The following VPS18 variants were observed in gnomAD, a reference collection of about 807,000 sequenced individuals.
The protein encoded by VPS18 is VPS18 core subunit of CORVET and HOPS complexes, also known as vacuolar protein sorting-associated protein 18 homolog.
Under a neutral mutation model 82.0 loss-of-function variants are expected in VPS18, and 25 were observed. The ratio of observed to expected loss-of-function variants is 0.30; its 90% CI spans 0.22 to 0.43. The LOEUF (loss-of-function observed/expected upper bound fraction) is 0.43. Among genes scored for constraint, VPS18 ranks in the 20% least tolerant of loss-of-function variants. The probability of loss-of-function intolerance (pLI) is 1.00; values close to 1 mark genes in which losing one functional copy is unlikely to be tolerated. For synonymous variants in VPS18, 523 were observed against 543.0 expected, an observed-to-expected ratio of 0.96 and a Z score of 0.51; for missense variants, 1,168 against 1,311.1, an observed-to-expected ratio of 0.89 and a Z score of 1.69.
In VPS18 at chr15:40,900,917, C is replaced by A. The variant is rs144934073; in HGVS notation, c.2099C>A (p.Ala700Glu). ...PHRVHYDLKY[A>E]LRLCAEHGHH... ...CGGGTGCATTACGACCTCAAGTATGCGCTGCGGCTCTGCGCCGAGCATGGC... is the reference window on the plus strand; with the variant it reads ...CGGGTGCATTACGACCTCAAGTATGAGCTGCGGCTCTGCGCCGAGCATGGC... Residue 700 changes from alanine (A) to glutamate (E), a missense_variant, in exon 4 of 5, where the codon GCG becomes GAG. Physicochemically the swap from Ala to Glu is moderately radical, Grantham distance 107. Transcript: ENST00000220509. The surrounding 1 kb of genome is among the most constrained non-coding windows in gnomAD (Gnocchi z 5.4). The A allele has an allele frequency of 6.2e-7, 1 of 1,613,570 alleles. No homozygotes were observed. The highest frequency in any genetic ancestry group is 8.5e-7 in the Non-Finnish European group (1 of 1,180,042).
rs1427803437 is a variant in VPS18 at position 40,900,698 on chromosome 15, T to C, written c.1880T>C (p.Ile627Thr). Residue 627 changes from isoleucine to threonine, a missense_variant, in exon 4 of 5, where the codon ATT becomes ACT. Around this residue, in one of 3 missense-constraint regions of VPS18, gnomAD observed 868 missense variants for 939.8 expected, o/e 0.92. Transcript: ENST00000220509. The surrounding 1 kb of genome is among the most constrained non-coding windows in gnomAD (Gnocchi z 5.4). ...AGCCGGCTGGATGCTCGTCAGCTCATTCCTGCCCTGGTGAACTACAGCCAG... is the reference window on the plus strand; with the variant it reads ...AGCCGGCTGGATGCTCGTCAGCTCACTCCTGCCCTGGTGAACTACAGCCAG... ...MGSRLDARQL[I>T]PALVNYSQGG... 6.2e-7 allele frequency: 1 copy of C among 1,614,036 alleles called. No individual in the cohort carries two copies. Among genetic ancestry groups the C allele is most frequent in the Non-Finnish European group, 8.5e-7 (1 of 1,180,024 alleles).
rs1326380861 is a variant in VPS18 at position 40,901,023 on chromosome 15, G to A, written c.2196+9G>A. On this transcript the variant is annotated intron_variant, in intron 4 of 4. Coordinates refer to ENST00000220509, the MANE Select transcript of VPS18 (RefSeq NM_020857.3). ...TGGACCTGGCCCTGCAGGTAAGCCA[G>A]TACGTCTTGACCCCAGCTGGGAGAG... 3 of 1,592,990 alleles carry A rather than the reference G, an allele frequency of 1.9e-6. No individual in the cohort carries two copies.
chr15:40,900,005 G>A lies in VPS18; in HGVS notation c.1187G>A (p.Arg396Gln), dbSNP rs772072843. 20 of 1,614,050 alleles carry A rather than the reference G, an allele frequency of 1.2e-5. No homozygotes were observed. Among genetic ancestry groups the A allele is most frequent in the East Asian group, 8.9e-5 (4 of 44,890 alleles). ...CGCTACCACGTGCAACGGGAGGCCC[G>A]AGATGTCTGGCGCACCTATCTGGAC... ...VFRYHVQREARDVWRTYLDMN... is the reference protein window; with the variant it reads ...VFRYHVQREAQDVWRTYLDMN... The change falls in exon 4 of 5, where the codon CGA becomes CAA. Residue 396 changes from arginine to glutamine, a missense_variant. Arg to Gln is a conservative substitution (Grantham distance 43, BLOSUM62 1). Around this residue, in one of 3 missense-constraint regions of VPS18, gnomAD observed 868 missense variants for 939.8 expected, o/e 0.92. Transcript: ENST00000220509. This position sits in a 1 kb window ranked among gnomAD's most constrained non-coding sequence, Gnocchi z 5.4.
intron 4 of VPS18, 22 bp downstream of exon 4, chr15:40,901,036 C>G: frequency 6.3e-7 from 1 of 1,581,904 alleles, no homozygotes; most frequent in Non-Finnish European, 8.6e-7. Flanking sequence ...CGTCTTGACC[C>G]CAGCTGGGAG....
At position 40,902,669 on chromosome 15, in the gene VPS18, A is replaced by T; in HGVS notation, c.2250A>T (p.Glu750Asp). 1 of 1,614,000 alleles carries T rather than the reference A, an allele frequency of 6.2e-7. No homozygotes were observed. The highest frequency in any genetic ancestry group is 1.1e-5 in the South Asian group (1 of 91,086). Reference protein sequence around the residue: ...QCADLPEEDEELRKKLWLKIA... With the variant: ...QCADLPEEDEDLRKKLWLKIA... ...CAGACCTGCCTGAGGAGGATGAGGA[A>T]TTGCGCAAGAAGCTGTGGCTGAAGA... The change falls in exon 5 of 5, where the codon GAA (glutamate) becomes GAT (aspartate). Residue 750 changes from glutamate (E) to aspartate (D), a missense_variant. Transcript: ENST00000220509. This position sits in a 1 kb window ranked among gnomAD's most constrained non-coding sequence, Gnocchi z 4.2.
intron 2 of VPS18, 51 bp from the exon 3 acceptor site, chr15:40,898,856 C>T (rs1892283691): frequency 6.5e-7 from 1 of 1,544,662 alleles, no homozygotes; most frequent in South Asian, 1.2e-5. Flanking sequence ...GATCATGATC[C>T]AAAAAAGGAT....
At position 40,903,300 on chromosome 15, in the gene VPS18, G is replaced by A. The variant is rs746302473; in HGVS notation, c.2881G>A (p.Asp961Asn). The A allele has an allele frequency of 2.9e-5, 45 of 1,558,538 alleles. No individual in the cohort carries two copies. The highest frequency in any genetic ancestry group is 2.0e-4 in the East Asian group (9 of 44,400). Residue 961 changes from aspartate (D) to asparagine (N), a missense_variant, in exon 5 of 5, where the codon GAC (aspartate) becomes AAC (asparagine). By Grantham distance (23) the Asp-to-Asn change is conservative. Around this residue, in one of 3 missense-constraint regions of VPS18, gnomAD observed 296 missense variants for 354.0 expected, o/e 0.84. Transcript: ENST00000220509. The stretch of plus-strand genomic sequence containing the variant: ...CCGCTCTATCGACCGGCCGTTCATC[G>A]ACCCCCAGCGCTACGAGGAGGAGCA... ...MIRSIDRPFI[D>N]PQRYEEEQLS...
In VPS18 at chr15:40,899,912, C is replaced by T. The variant is rs759500564; in HGVS notation, c.1094C>T (p.Pro365Leu). Residue 365 changes from proline to leucine, a missense_variant, in exon 4 of 5, where the codon CCG (proline) becomes CTG (leucine). Transcript: ENST00000220509. The surrounding 1 kb of genome is among the most constrained non-coding windows in gnomAD (Gnocchi z 4.4). ...LRDHFLEKFG[P>L]LKHMVKDSST... ...GATCACTTCCTGGAGAAATTTGGGC[C>T]GCTGAAGCACATGGTGAAGGACTCC... 4.0e-5 allele frequency: 64 copies of T among 1,611,974 alleles called. No individual in the cohort carries two copies. The highest frequency in any genetic ancestry group is 5.5e-5 in the South Asian group (5 of 91,090).
chr15:40,902,242 A>G lies in VPS18; in HGVS notation c.2197-374A>G, dbSNP rs1002551068. On this transcript the variant is annotated intron_variant, in intron 4 of 4. Coordinates refer to ENST00000220509, the MANE Select transcript of VPS18 (RefSeq NM_020857.3). This position sits in a 1 kb window ranked among gnomAD's most constrained non-coding sequence, Gnocchi z 4.2. ...ATTCTCCTGGCTCAGCCTCCCGGGTAGCTGGGACTACAGGCGCCCGCCACC... is the reference window on the plus strand; with the variant it reads ...ATTCTCCTGGCTCAGCCTCCCGGGTGGCTGGGACTACAGGCGCCCGCCACC... 6.6e-5 allele frequency among the ~76,000 whole-genome samples: 10 copies of G among 151,756 alleles called. No homozygotes were observed. Among genetic ancestry groups the G allele is most frequent in the Non-Finnish European group, 1.5e-4 (10 of 67,972 alleles).
rs539007917 is a variant in VPS18 at position 40,898,092 on chromosome 15, C to G, written c.234-815C>G. On this transcript the variant is annotated intron_variant, in intron 2 of 4. Transcript: ENST00000220509. ...CGCCATTCTCCTGCCTCAGCCTCCC[C>G]AGTAGCTGGGACTACAGGCGCCTGC... 3.1e-3 allele frequency among the ~76,000 whole-genome samples: 469 copies of G among 152,116 alleles called. 2 individuals carry two copies. The highest frequency in any genetic ancestry group is 0.011 in the African/African-American group (454 of 41,506).
chr15:40,902,643 G>A lies in VPS18; in HGVS notation c.2224G>A (p.Ala742Thr), dbSNP rs1334806739. ...GGATGTGGACCTGGCCAAGCAGTGT[G>A]CAGACCTGCCTGAGGAGGATGAGGA... Reference protein sequence around the residue: ...QVDVDLAKQCADLPEEDEELR... With the variant: ...QVDVDLAKQCTDLPEEDEELR... Residue 742 changes from alanine to threonine, a missense_variant, in exon 5 of 5, where the codon GCA becomes ACA. Ala to Thr is a moderately conservative substitution (Grantham distance 58, BLOSUM62 0). Transcript: ENST00000220509. The surrounding 1 kb of genome is among the most constrained non-coding windows in gnomAD (Gnocchi z 4.2). 6.2e-7 allele frequency: 1 copy of A among 1,613,930 alleles called. No individual in the cohort carries two copies. Among genetic ancestry groups the A allele is most frequent in the East Asian group, 2.2e-5 (1 of 44,886 alleles).
rs1892193386 is a variant in VPS18 at position 40,894,493 on chromosome 15, G to T, written c.-276G>T. The T allele has an allele frequency of 2.9e-6, 1 of 343,338 alleles. No homozygotes were observed. The allele number at this position is 343,338 out of a possible 1,614,324, so 21.3% of individuals were successfully genotyped here. A position where few individuals can be genotyped will look rare whatever the true frequency, so the allele number is the denominator to read the frequency against. ...GGCGAGGTTGGGATCACCTGGCACC[G>T]GCTGAAGGGAGCCTGTGATTTTTTT... On this transcript the variant is annotated 5_prime_UTR_variant, in exon 1 of 5. Transcript: ENST00000220509.
At chr15:40,901,106 G>T (rs1892350466) in intron 4 of VPS18, 92 bp downstream of exon 4, 4 of 1,397,958 alleles carry the variant, frequency 2.9e-6, no homozygotes, top group Non-Finnish European at 2.9e-6. Flanking sequence ...TGGCTAGAGG[G>T]TGCTGGCTTC....
At position 40,900,241 on chromosome 15, in the gene VPS18, C is replaced by T. The variant is rs765194065; in HGVS notation, c.1423C>T (p.Arg475Ter). The stretch of plus-strand genomic sequence containing the variant: ...GGAGGCTCTGGCTGAGTTCCTGCAG[C>T]GAAAACTGGCCAGTTTGAAGCCAGC... Reference protein sequence around the residue: ...QEEALAEFLQRKLASLKPAER... With the variant: ...QEEALAEFLQ The change falls in exon 4 of 5, where the codon CGA (arginine) becomes TGA (stop). Residue 475 changes from arginine (R) to a stop codon, truncating the protein, a stop_gained. Coordinates refer to ENST00000220509, the MANE Select transcript of VPS18 (RefSeq NM_020857.3). LOFTEE classifies it high-confidence loss of function. This position sits in a 1 kb window ranked among gnomAD's most constrained non-coding sequence, Gnocchi z 5.4. The T allele has an allele frequency of 3.7e-6, 6 of 1,613,668 alleles. No homozygotes were observed. The highest frequency in any genetic ancestry group is 4.2e-6 in the Non-Finnish European group (5 of 1,180,020).
intron 2 of VPS18, among the ~76,000 whole-genome samples, chr15:40,897,459 A>G (rs1341911754): frequency 2.6e-5 from 4 of 152,256 alleles, no homozygotes; most frequent in Non-Finnish European, 4.4e-5. Context: ...AGGCATTTTT[A>G]TAATGACAGC....
chr15:40,900,004 C>T lies in VPS18; in HGVS notation c.1186C>T (p.Arg396Ter), dbSNP rs746050065. 1.9e-6 allele frequency: 3 copies of T among 1,613,916 alleles called. No individual in the cohort carries two copies. The highest frequency in any genetic ancestry group is 2.5e-6 in the Non-Finnish European group (3 of 1,180,046). Residue 396 changes from arginine (R) to a stop codon, truncating the protein, a stop_gained, in exon 4 of 5, where the codon CGA becomes TGA. Transcript: ENST00000220509. LOFTEE classifies it high-confidence loss of function. This position sits in a 1 kb window ranked among gnomAD's most constrained non-coding sequence, Gnocchi z 5.4. Reference protein sequence around the residue: ...VFRYHVQREARDVWRTYLDMN... With the variant: ...VFRYHVQREA ...CCGCTACCACGTGCAACGGGAGGCC[C>T]GAGATGTCTGGCGCACCTATCTGGA... is the stretch of plus-strand genomic sequence containing the variant.
At position 40,903,655 on chromosome 15, in the gene VPS18, T is replaced by G; in HGVS notation, c.*314T>G. The G allele has an allele frequency of 9.3e-5, 23 of 246,608 alleles. No homozygotes were observed. The highest frequency in any genetic ancestry group is 3.3e-4 in the East Asian group (4 of 12,134). 15.3% of individuals were successfully genotyped at this position (246,608 alleles called of 1,614,324 possible). ...TCTAGCACCTCTTCTGTCCCTGTCA[T>G]TCCCCACACACGTCCTGTTCACCTC... On this transcript the variant is annotated 3_prime_UTR_variant, in exon 5 of 5. Coordinates refer to ENST00000220509, the MANE Select transcript of VPS18 (RefSeq NM_020857.3).
In VPS18 at chr15:40,896,032, C is replaced by T; in HGVS notation, c.186C>T (p.Val62=). ...CCGAGCGCATTACCAGTCTTGTCGT[C>T]TCCAGCAATCAGCTGTGCATGAGCC... is the stretch of plus-strand genomic sequence containing the variant. ...TPSERITSLV[V]SSNQLCMSLG... is the part of the protein sequence containing the mutation. The change falls in exon 2 of 5, where the codon GTC becomes GTT. Residue 62 remains valine, a synonymous_variant. Coordinates refer to ENST00000220509, the MANE Select transcript of VPS18 (RefSeq NM_020857.3). The T allele has an allele frequency of 6.2e-7, 1 of 1,614,226 alleles. No individual in the cohort carries two copies. Among genetic ancestry groups the T allele is most frequent in the Non-Finnish European group, 8.5e-7 (1 of 1,180,046 alleles).
Position 40,899,317 on chromosome 15 carries a change from G to A in VPS18, c.499G>A (p.Gly167Ser), listed in dbSNP as rs975385453. 1 of 1,614,156 alleles carries A rather than the reference G, an allele frequency of 6.2e-7. No individual in the cohort carries two copies. The highest frequency in any genetic ancestry group is 8.5e-7 in the Non-Finnish European group (1 of 1,179,968). The change falls in exon 4 of 5, where the codon GGC (glycine) becomes AGC (serine). Residue 167 changes from glycine (G) to serine (S), a missense_variant. This residue lies in a region of VPS18 where 868 missense variants were observed against 939.8 expected (regional missense o/e 0.92). Coordinates refer to ENST00000220509, the MANE Select transcript of VPS18 (RefSeq NM_020857.3). This position sits in a 1 kb window ranked among gnomAD's most constrained non-coding sequence, Gnocchi z 4.4. ...TGPILVGTAQ[G>S]HIFEAELSAS... ...CCCCATCCTGGTCGGGACTGCCCAA[G>A]GCCACATCTTTGAAGCAGAGCTCTC...
Sources: gnomAD v4.1 joint callset for allele counts (sites outside exome capture counted in the v4.1 genomes callset) on GRCh38, gnomAD v4.1.1 for gene constraint, gnomAD v4.1.1 regional missense constraint, Gnocchi (gnomAD v3.1) non-coding constraint, MANE v1.5 for transcripts, NCBI Gene and HGNC (gene_info 2026-07-23, HGNC 2026-07-21) for gene names.